The following TTC28 variants were observed in gnomAD, a reference collection of about 807,000 sequenced individuals.
TTC28 encodes tetratricopeptide repeat protein 28.
TTC28 carries 61 observed loss-of-function variants against 198.0 expected under a neutral mutation model. The observed-to-expected ratio is 0.31, with a 90% CI of 0.25 to 0.38. The LOEUF (loss-of-function observed/expected upper bound fraction) is 0.38, where lower values mean the gene tolerates loss of function less well. Among genes scored for constraint, TTC28 ranks in the 10% least tolerant of loss-of-function variants. The pLI is 1.00. For missense variants in TTC28, 2,678 were observed against 3,164.0 expected (o/e 0.85, Z 3.69); for synonymous variants, 1,171 against 1,297.8 (o/e 0.90, Z 2.10).
rs1275445829 is a variant in TTC28 at position 28,115,250 on chromosome 22, TC to T, written c.1442-6848del. 3.3e-5 allele frequency among the ~76,000 whole-genome samples: 5 copies of T among 152,096 alleles called. No homozygotes were observed. The South Asian group carries it at 6.3e-4, about 19-fold the overall frequency. The stretch of plus-strand genomic sequence containing the variant: ...ATCACAGCTCATTACAGCCATGACC[TC>T]CCGGGCTCAAGTGATCCTCCCACCT... On this transcript the variant is annotated intron_variant, in intron 6 of 22. Transcript: ENST00000397906.
intron 2 of TTC28, among the ~76,000 whole-genome samples, chr22:28,455,574 G>A (rs1324622528): frequency 1.3e-5 from 2 of 151,938 alleles, no homozygotes; most frequent in Admixed American, 6.6e-5. Context: ...TTGGCCAGGC[G>A]TGGCCTGTGC....
At chr22:28,292,265 G>A (rs2044802620) in intron 5 of TTC28, among the ~76,000 whole-genome samples, 1 of 152,112 alleles carries the variant, frequency 6.6e-6, no homozygotes, top group South Asian at 2.1e-4. Context: ...TTGGCCCACT[G>A]CAACCTTGGC....
chr22:28,649,461 T>C (rs965804802), intron 1 of TTC28, among the ~76,000 whole-genome samples: 18 of 152,192 alleles, frequency 1.2e-4, no homozygotes, highest in Admixed American at 1.1e-3. Flanking sequence ...TGCTGAGGTT[T>C]TGTTTGTTTT....
intron 2 of TTC28, among the ~76,000 whole-genome samples, chr22:28,590,709 G>A (rs934790519): frequency 2.6e-5 from 4 of 151,688 alleles, no homozygotes; most frequent in Admixed American, 6.6e-5. Flanking sequence ...TAGTATGATC[G>A]ATGAACTTTT....
intron 13 of TTC28, among the ~76,000 whole-genome samples, chr22:28,017,573 G>A (rs1362945802): frequency 6.6e-6 from 1 of 152,142 alleles, no homozygotes; most frequent in African/African-American, 2.4e-5. Context: ...AGAGACTGGG[G>A]TACTTGGGGC....
chr22:28,333,054 G>A (rs778428991), intron 2 of TTC28, among the ~76,000 whole-genome samples: 12 of 151,968 alleles, frequency 7.9e-5, no homozygotes, highest in Admixed American at 1.3e-4. Context: ...CATTTGCCAG[G>A]GAGACCACAG....
At chr22:28,403,510 T>C (rs2046951899) in intron 2 of TTC28, among the ~76,000 whole-genome samples, 1 of 152,194 alleles carries the variant, frequency 6.6e-6, no homozygotes, top group African/African-American at 2.4e-5. Context: ...TTTATTCATG[T>C]TACCTTCTGT....
At chr22:27,995,425 G>A (rs1299267915) in intron 17 of TTC28, among the ~76,000 whole-genome samples, 9 of 152,154 alleles carry the variant, frequency 5.9e-5, no homozygotes, top group African/African-American at 1.2e-4. Context: ...GATTTGAAAC[G>A]GCCTTCCAGG....
intron 12 of TTC28, among the ~76,000 whole-genome samples, chr22:28,043,364 T>C (rs1601553464): frequency 6.6e-6 from 1 of 151,884 alleles, no homozygotes; most frequent in Non-Finnish European, 1.5e-5. Context: ...TGCCCCAAGC[T>C]TGGCCTGTCA....
At chr22:28,412,281 T>G (rs1264738097) in intron 2 of TTC28, among the ~76,000 whole-genome samples, 1 of 152,164 alleles carries the variant, frequency 6.6e-6, no homozygotes. Flanking sequence ...CAGACCTTCC[T>G]GCTACCCTTC....
intron 2 of TTC28, among the ~76,000 whole-genome samples, chr22:28,344,542 GAAAAT>G (rs1173359086): frequency 6.6e-6 from 1 of 152,086 alleles, no homozygotes; most frequent in African/African-American, 2.4e-5. Context: ...AAATATAATT[GAAAAT>G]ACATATTCTT....
intron 2 of TTC28, among the ~76,000 whole-genome samples, chr22:28,367,569 T>C (rs992052170): frequency 2.0e-5 from 3 of 151,186 alleles, no homozygotes; most frequent in Admixed American, 2.0e-4. Context: ...AGAGAAATAA[T>C]GAAGATCAGA....
chr22:28,499,660 C>G (rs1009905293), intron 2 of TTC28, among the ~76,000 whole-genome samples: 1 of 152,078 alleles, frequency 6.6e-6, no homozygotes, highest in African/African-American at 2.4e-5. Context: ...CTGCTTCTGT[C>G]TTGAAAGAAA....
At chr22:28,020,021 C>G (rs775761492) in intron 13 of TTC28, among the ~76,000 whole-genome samples, 8 of 152,222 alleles carry the variant, frequency 5.3e-5, no homozygotes, top group Non-Finnish European at 1.0e-4. Context: ...AACCAAGGAC[C>G]AGAGAGAGCA....
At chr22:28,207,223 G>GAAA (rs367995993) in intron 5 of TTC28, among the ~76,000 whole-genome samples, 4 of 78,692 alleles carry the variant, frequency 5.1e-5, no homozygotes, top group African/African-American at 1.6e-4. Context: ...CTAAGCAGAT[G>GAAA]GAAAAAAAAA....
chr22:28,298,972 G>C (rs1336132310), intron 3 of TTC28, among the ~76,000 whole-genome samples: 1 of 152,134 alleles, frequency 6.6e-6, no homozygotes, highest in Non-Finnish European at 1.5e-5. Context: ...TATTTATTAA[G>C]ATGGAAGATA....
At chr22:28,677,060 C>G (rs1601687723) in intron 1 of TTC28, among the ~76,000 whole-genome samples, 3 of 148,826 alleles carry the variant, frequency 2.0e-5, no homozygotes, top group Non-Finnish European at 3.0e-5. Context: ...GAGGCTAAGG[C>G]AGGAGAATTG....
chr22:28,229,178 C>G (rs1239407371), intron 5 of TTC28, among the ~76,000 whole-genome samples: 1 of 152,038 alleles, frequency 6.6e-6, no homozygotes, highest in African/African-American at 2.4e-5. Context: ...AACAAAAAAA[C>G]TACACCCTCT....
At chr22:28,060,026 T>C (rs941178786) in intron 12 of TTC28, among the ~76,000 whole-genome samples, 2 of 152,124 alleles carry the variant, frequency 1.3e-5, no homozygotes, top group Non-Finnish European at 2.9e-5. Flanking sequence ...AATATTGTAC[T>C]ATTTAGTTCC....
Sources: allele counts gnomAD v4.1 joint callset (sites outside exome capture counted in the v4.1 genomes callset), GRCh38; gene constraint gnomAD v4.1.1; transcripts MANE v1.5; gene names NCBI Gene and HGNC (gene_info 2026-07-23, HGNC 2026-07-21).